PEX1: variants seen among roughly 807,000 people sequenced by gnomAD.
PEX1 encodes the protein peroxisomal biogenesis factor 1.
In PEX1, 97 loss-of-function variants were observed where a neutral mutation model predicts 152.5. The ratio of observed to expected loss-of-function variants is 0.64; its 90% confidence interval spans 0.54 to 0.75. The LOEUF is 0.75. PEX1 is among the 30% of genes least tolerant of loss of function. The pLI, the probability that PEX1 is intolerant of heterozygous loss-of-function variation, is 0.00. For synonymous variants in PEX1, 485 were observed against 531.6 expected (o/e 0.91, Z 1.21); for missense variants, 1,357 against 1,516.3 (o/e 0.89, Z 1.74).
Position 92,494,350 on chromosome 7 carries a change from A to G in PEX1, c.2973T>C (p.Pro991=), listed in dbSNP as rs762012895. ...CTAGTCGACCAGGCCTAAGCAGGGCAGGGTCAATCAAGTCAGGGCGACTAG... is the reference window on the plus strand; with the variant it reads ...CTAGTCGACCAGGCCTAAGCAGGGCGGGGTCAATCAAGTCAGGGCGACTAG... The part of the protein sequence containing the change: ...AATSRPDLID[P]ALLRPGRLDK... The change falls in exon 19 of 24, where the codon CCT becomes CCC. Residue 991 remains proline, a synonymous_variant. Coordinates refer to ENST00000248633, the MANE Select transcript of PEX1 (RefSeq NM_000466.3). The G allele has an allele frequency of 2.5e-6, 4 of 1,613,974 alleles. No individual in the cohort carries two copies. The African/African-American group carries it at 5.3e-5, about 22-fold the overall frequency.
intron 5 of PEX1, 113 bp downstream of exon 5, chr7:92,517,163 T>C (rs969130739): frequency 2.5e-5 from 22 of 889,984 alleles, no homozygotes; most frequent in Non-Finnish European, 3.6e-5. Context: ...CTTTAGGCAC[T>C]GTGTTTCTTT....
intron 5 of PEX1, among the ~76,000 whole-genome samples, chr7:92,515,067 C>CTATA (rs67750906): frequency 3.2e-5 from 4 of 125,162 alleles, no homozygotes; most frequent in Admixed American, 8.0e-5. Flanking sequence ...AAAAAATTAT[C>CTATA]TATATATATA....
At chr7:92,527,488 T>C (rs773797497) in intron 1 of PEX1, among the ~76,000 whole-genome samples, 3 of 152,156 alleles carry the variant, frequency 2.0e-5, no homozygotes, top group Non-Finnish European at 2.9e-5. Flanking sequence ...CCCCTAGGTA[T>C]GGGGAAGTAA....
At chr7:92,510,528 GATA>G in intron 8 of PEX1, among the ~76,000 whole-genome samples, 1 of 151,898 alleles carries the variant, frequency 6.6e-6, no homozygotes, top group Non-Finnish European at 1.5e-5. Flanking sequence ...AAAGTGATCT[GATA>G]ATATTTCTGA....
rs1009659460 is a variant in PEX1, at chr7:92,494,354, T to C, written c.2969A>G (p.Asp990Gly). The C allele has an allele frequency of 2.5e-6, 4 of 1,613,866 alleles. No homozygotes were observed. In the African/African-American group the frequency reaches 4.0e-5, roughly 16 times the overall value. ...TCGACCAGGCCTAAGCAGGGCAGGG[T>C]CAATCAAGTCAGGGCGACTAGTAGC... ...LAATSRPDLI[D>G]PALLRPGRLD... The change falls in exon 19 of 24, where the codon GAC (aspartate) becomes GGC (glycine). Residue 990 changes from aspartate (D) to glycine (G), a missense_variant. By Grantham distance (94) the Asp-to-Gly change is moderately conservative (BLOSUM62 -1). Coordinates refer to ENST00000248633, the MANE Select transcript of PEX1 (RefSeq NM_000466.3).
At chr7:92,497,119 A>G (rs1163841891) in intron 16 of PEX1, among the ~76,000 whole-genome samples, 1 of 152,120 alleles carries the variant, frequency 6.6e-6, no homozygotes, top group Non-Finnish European at 1.5e-5. Context: ...TTCTTCCTAC[A>G]TAGGACTTAC....
At chr7:92,522,566 C>T (rs1793097875) in intron 1 of PEX1, among the ~76,000 whole-genome samples, 1 of 152,142 alleles carries the variant, frequency 6.6e-6, no homozygotes, top group Non-Finnish European at 1.5e-5. Flanking sequence ...AGCATTTATT[C>T]CCAATTAACG....
At chr7:92,506,156 T>G in intron 11 of PEX1, 92 bp downstream of exon 11, 1 of 772,548 alleles carries the variant, frequency 1.3e-6, no homozygotes, top group Non-Finnish European at 2.4e-6. Flanking sequence ...GACTAGATGA[T>G]ATGTGTATTT....
chr7:92,512,236 G>A (rs1414002266), intron 6 of PEX1, among the ~76,000 whole-genome samples: 1 of 152,150 alleles, frequency 6.6e-6, no homozygotes, highest in Non-Finnish European at 1.5e-5. Flanking sequence ...TGGCCAGGCT[G>A]GTCTCAAACT....
rs190177993 is a variant in PEX1 at position 92,512,342 on chromosome 7, T to A, written c.1360-639A>T. Among the ~76,000 whole-genome samples the A allele has an allele frequency of 5.9e-3, 899 of 151,238 alleles. 6 individuals carry two copies. The highest frequency in any genetic ancestry group is 0.019 in the African/African-American group (779 of 41,230). On this transcript the variant is annotated intron_variant, in intron 6 of 23. Transcript: ENST00000248633. Reference sequence around the variant, plus strand: ...TGGCCTAATAATCTATTTAAAAAAATTTTTTTTGAGATATTGCCTAGGCTG... The same window carrying A: ...TGGCCTAATAATCTATTTAAAAAAAATTTTTTTGAGATATTGCCTAGGCTG...
chr7:92,498,346 A>G (rs908341817), intron 16 of PEX1, among the ~76,000 whole-genome samples: 1 of 150,424 alleles, frequency 6.6e-6, no homozygotes, highest in Admixed American at 6.7e-5. Flanking sequence ...TCTACTAAAA[A>G]TACAAAAATT....
At position 92,513,835 on chromosome 7, in the gene PEX1, T is replaced by C. The variant is rs770685055; in HGVS notation, c.1359+13A>G. 9 of 1,586,478 alleles carry C rather than the reference T, an allele frequency of 5.7e-6. No homozygotes were observed. Among genetic ancestry groups the C allele is most frequent in the Non-Finnish European group, 6.1e-6 (7 of 1,156,762 alleles). ...TAAAAGAATTTTGATGTAACATATA[T>C]ATTTGAACTCACTAAATTCTCTCTA... On this transcript the variant is annotated intron_variant, in intron 6 of 23. Transcript: ENST00000248633.
chr7:92,524,542 C>T (rs1304848289), intron 1 of PEX1, among the ~76,000 whole-genome samples: 1 of 152,230 alleles, frequency 6.6e-6, no homozygotes, highest in Non-Finnish European at 1.5e-5. Flanking sequence ...GCTGGGATTA[C>T]AGGCGTGAGC....
intron 5 of PEX1, among the ~76,000 whole-genome samples, chr7:92,516,053 GAAAAAAGAAAAGAAA>G (rs1220631079): frequency 2.6e-5 from 2 of 78,226 alleles, no homozygotes; most frequent in African/African-American, 1.1e-4. Flanking sequence ...GAAGAGAAGA[GAAAAAAGAAAAGAAA>G]AGAAAAGAAA....
Position 92,499,808 on chromosome 7 carries a change from G to T in PEX1, c.2614C>A (p.Arg872=), listed in dbSNP as rs61750422. Residue 872 remains arginine, a synonymous_variant, in exon 16 of 24, where the codon CGA becomes AGA. Coordinates refer to ENST00000248633, the MANE Select transcript of PEX1 (RefSeq NM_000466.3). Reference sequence around the variant, plus strand: ...TACAACAGTATTCCTGTTCTTTGTCGTATGGGCAAGTTTGCAAATAATTCT... The same window carrying T: ...TACAACAGTATTCCTGTTCTTTGTCTTATGGGCAAGTTTGCAAATAATTCT... ...YPELFANLPI[R]QRTGILLYGP... 3.1e-6 allele frequency: 5 copies of T among 1,609,860 alleles called. No homozygotes were observed. In the South Asian group the frequency reaches 3.3e-5, roughly 11 times the overall value.
intron 13 of PEX1, among the ~76,000 whole-genome samples, chr7:92,502,451 T>C (rs1439198259): frequency 1.3e-5 from 2 of 152,216 alleles, no homozygotes; most frequent in East Asian, 3.8e-4. Flanking sequence ...ATATGGTTCC[T>C]TTAAGAATTT....
chr7:92,513,812 A>G (rs1330819694), intron 6 of PEX1, 36 bp downstream of exon 6: 2 of 1,504,108 alleles, frequency 1.3e-6, no homozygotes, highest in Non-Finnish European at 1.8e-6. Context: ...AAAACGTGTA[A>G]AAGAATTTTG....
At position 92,528,371 on chromosome 7, in the gene PEX1, G is replaced by A; in HGVS notation, c.65C>T (p.Thr22Ile). Residue 22 changes from threonine (T) to isoleucine (I), a missense_variant, in exon 1 of 24, where the codon ACC becomes ATC. Coordinates refer to ENST00000248633, the MANE Select transcript of PEX1 (RefSeq NM_000466.3). ...GTGGAGGAAGCAGTCGCGAGCGTTGGTGAAGGCCACAGTCACTGCCGCCCC... is the reference window on the plus strand; with the variant it reads ...GTGGAGGAAGCAGTCGCGAGCGTTGATGAAGGCCACAGTCACTGCCGCCCC... ...GGGAAVTVAFTNARDCFLHLP... is the reference protein window; with the variant it reads ...GGGAAVTVAFINARDCFLHLP... The A allele has an allele frequency of 6.3e-7, 1 of 1,591,820 alleles. No individual in the cohort carries two copies. Among genetic ancestry groups the A allele is most frequent in the Non-Finnish European group, 8.5e-7 (1 of 1,170,976 alleles).
rs779471542 is a variant in PEX1 at position 92,501,645 on chromosome 7, T to C, written c.2445A>G (p.Gln815=). 5.6e-6 allele frequency: 9 copies of C among 1,613,898 alleles called. No homozygotes were observed. The highest frequency in any genetic ancestry group is 1.7e-5 in the Admixed American group (1 of 60,002). The change falls in exon 15 of 24, where the codon CAA becomes CAG. Residue 815 remains glutamine (Q), a synonymous_variant. Transcript: ENST00000248633. ...EKLVLTTLDF[Q]KALRGFLPAS... ...CAGGAAGAAATCCGCGGAGAGCCTTTTGGAAGTCCAATGTTGTTAAAACTA... is the reference window on the plus strand; with the variant it reads ...CAGGAAGAAATCCGCGGAGAGCCTTCTGGAAGTCCAATGTTGTTAAAACTA...
Sources: gnomAD v4.1 joint callset for allele counts (sites outside exome capture counted in the v4.1 genomes callset) on GRCh38, gnomAD v4.1.1 for gene constraint, MANE v1.5 for transcripts, NCBI Gene and HGNC (gene_info 2026-07-23, HGNC 2026-07-21) for gene names.